Variants in ACSS1 observed in about 807,000 individuals in gnomAD.
ACSS1 encodes the protein acyl-CoA synthetase short chain family member 1, also known as acetyl-coenzyme A synthetase 2-like, mitochondrial.
ACSS1 carries 42 observed loss-of-function variants against 75.3 expected under a neutral mutation model. The ratio of observed to expected loss-of-function variants is 0.56; its 90% CI spans 0.44 to 0.72. ACSS1 has a LOEUF of 0.72. Ranked by LOEUF, ACSS1 falls within the 30% of genes least tolerant of loss-of-function variation. The pLI is 0.00. For missense variants in ACSS1, 782 were observed against 935.7 expected (o/e 0.84, Z 2.14); for synonymous variants, 380 against 376.8 (o/e 1.01, Z -0.10).
chr20:25,047,198 G>A (rs1363412092), intron 2 of ACSS1, among the ~76,000 whole-genome samples: 2 of 152,176 alleles, frequency 1.3e-5, no homozygotes, highest in East Asian at 1.9e-4. Flanking sequence ...GGCAGTGACC[G>A]CTGCTCTCAG....
chr20:25,054,359 A>G (rs2089214369), intron 1 of ACSS1, among the ~76,000 whole-genome samples: 1 of 152,268 alleles, frequency 6.6e-6, no homozygotes, highest in Non-Finnish European at 1.5e-5. Flanking sequence ...TGCTTCATTA[A>G]TAAATAACAA....
chr20:25,030,364 C>T (rs544785419), intron 3 of ACSS1, among the ~76,000 whole-genome samples: 3 of 152,338 alleles, frequency 2.0e-5, no homozygotes, highest in Non-Finnish European at 4.4e-5. Context: ...TGGTCCACAC[C>T]TTCACTCCTC....
chr20:25,008,958 T>C (rs1301941630), intron 13 of ACSS1, among the ~76,000 whole-genome samples: 4 of 152,140 alleles, frequency 2.6e-5, no homozygotes, highest in Non-Finnish European at 5.9e-5. Context: ...GAAACCTGCC[T>C]AGGTGGCCTC....
At chr20:25,009,588 C>T in intron 12 of ACSS1, 200 bp from the exon 13 acceptor site, 2 of 579,832 alleles carry the variant, frequency 3.4e-6, no homozygotes, top group Non-Finnish European at 6.2e-6. Context: ...ATTCTAACAG[C>T]TCCACAGATG....
intron 2 of ACSS1, among the ~76,000 whole-genome samples, chr20:25,037,495 G>C (rs773019977): frequency 2.0e-5 from 3 of 152,198 alleles, no homozygotes; most frequent in Non-Finnish European, 4.4e-5. Flanking sequence ...TAATTGTCTT[G>C]ATATGTGAAG....
chr20:25,046,413 C>T (rs2089090456), intron 2 of ACSS1: 3 of 217,482 alleles, frequency 1.4e-5, no homozygotes, highest in East Asian at 1.2e-4. Flanking sequence ...CAGACCGAAC[C>T]GCTACTTAGC....
At chr20:25,045,575 C>T (rs2089075625) in intron 2 of ACSS1, among the ~76,000 whole-genome samples, 1 of 152,246 alleles carries the variant, frequency 6.6e-6, no homozygotes, top group African/African-American at 2.4e-5. Flanking sequence ...AGGGCCCAGG[C>T]TGCTAGTCTG....
In ACSS1 at chr20:25,007,870, A is replaced by T; in HGVS notation, c.1962T>A (p.Ser654Arg). The change falls in exon 14 of 14, where the codon AGT (serine) becomes AGA (arginine). Residue 654 changes from serine (S) to arginine (R), a missense_variant. Coordinates refer to ENST00000323482, the MANE Select transcript of ACSS1 (RefSeq NM_032501.4). ...TAGTGTCTCCCAGCTCCTGGGCCTC[A>T]CTAGTGATGATCTTCCTCAGGAGCC... is the stretch of plus-strand genomic sequence containing the variant. ...MRRLLRKIIT[S>R]EAQELGDTTT... 1 of 1,614,150 alleles carries T rather than the reference A, an allele frequency of 6.2e-7. No individual in the cohort carries two copies. Among genetic ancestry groups the T allele is most frequent in the Non-Finnish European group, 8.5e-7 (1 of 1,180,028 alleles).
At chr20:25,052,376 A>G (rs1027780016) in intron 1 of ACSS1, among the ~76,000 whole-genome samples, 7 of 152,202 alleles carry the variant, frequency 4.6e-5, no homozygotes, top group African/African-American at 1.7e-4. Context: ...GCCTTTCCCA[A>G]GTTTCCCAGC....
chr20:25,014,301 T>C (rs952173571), intron 8 of ACSS1, among the ~76,000 whole-genome samples: 3 of 152,132 alleles, frequency 2.0e-5, no homozygotes, highest in Non-Finnish European at 2.9e-5. Flanking sequence ...CACAGCCAGG[T>C]GCAGGCCCCC....
In ACSS1 at chr20:25,016,659, C is replaced by G. The variant is rs116513695; in HGVS notation, c.1247-1429G>C. Among the ~76,000 whole-genome samples the G allele has an allele frequency of 2.0e-3, 306 of 152,350 alleles. 2 individuals carry two copies. The highest frequency in any genetic ancestry group is 6.8e-3 in the African/African-American group (281 of 41,574). On this transcript the variant is annotated intron_variant, in intron 7 of 13. Coordinates refer to ENST00000323482, the MANE Select transcript of ACSS1 (RefSeq NM_032501.4). The stretch of plus-strand genomic sequence containing the variant: ...GTGTCTTGTGTGTCACACCTGCACT[C>G]AGAACATCCACAAGGGGCAGGGAGA...
chr20:25,050,400 G>A (rs1443933420), intron 1 of ACSS1, among the ~76,000 whole-genome samples: 1 of 151,938 alleles, frequency 6.6e-6, no homozygotes, highest in African/African-American at 2.4e-5. Context: ...TCCCCCCCGG[G>A]AGCTGGTCAC....
chr20:25,031,174 C>T (rs1252280730), intron 2 of ACSS1: 1 of 660,090 alleles, frequency 1.5e-6, no homozygotes, highest in Non-Finnish European at 2.7e-6. Context: ...TTCACTGCCA[C>T]ATTGCTAGGG....
chr20:25,031,837 G>A (rs897148009), intron 2 of ACSS1, among the ~76,000 whole-genome samples: 1 of 152,152 alleles, frequency 6.6e-6, no homozygotes, highest in African/African-American at 2.4e-5. Context: ...CCAAAAGAAA[G>A]ACTGATCTCA....
intron 3 of ACSS1, among the ~76,000 whole-genome samples, chr20:25,026,367 T>G (rs2088717781): frequency 6.6e-6 from 1 of 152,228 alleles, no homozygotes; most frequent in South Asian, 2.1e-4. Flanking sequence ...ATGCCAGGCC[T>G]GTGCCAGCCT....
rs953890673 is a variant in ACSS1, at chr20:25,057,926, G to C, written c.177C>G (p.Pro59=). 14 of 1,610,002 alleles carry C rather than the reference G, an allele frequency of 8.7e-6. No individual in the cohort carries two copies. The highest frequency in any genetic ancestry group is 5.3e-5 in the African/African-American group (4 of 74,834). ...CCCGGGCTGCCTGTGCACTCAGCGC[G>C]GGATACGAGCCTGGCTGTGCTGCTG... is the stretch of plus-strand genomic sequence containing the variant. The part of the protein sequence containing the change: ...AAAAAQPGSY[P]ALSAQAAREP... Residue 59 remains proline (P), a synonymous_variant, in exon 1 of 14, where the codon CCC becomes CCG. Transcript: ENST00000323482.
At chr20:25,032,098 G>A (rs1377908244) in intron 2 of ACSS1, among the ~76,000 whole-genome samples, 1 of 152,174 alleles carries the variant, frequency 6.6e-6, no homozygotes, top group Non-Finnish European at 1.5e-5. Context: ...TGGACAAGGG[G>A]AAGGGAAAGC....
intron 7 of ACSS1, among the ~76,000 whole-genome samples, chr20:25,016,726 C>A (rs1198086785): frequency 6.6e-6 from 1 of 152,276 alleles, no homozygotes; most frequent in Non-Finnish European, 1.5e-5. Flanking sequence ...ACTGCGACAG[C>A]CTGCACCCAG....
At chr20:25,019,945 G>A (rs533772443) in intron 7 of ACSS1, 65 bp downstream of exon 7, 1 of 1,602,874 alleles carries the variant, frequency 6.2e-7, no homozygotes, top group Non-Finnish European at 8.5e-7. Context: ...TCCTGCTGAA[G>A]CCCGTATTGG....
Sources: allele counts gnomAD v4.1 joint callset (sites outside exome capture counted in the v4.1 genomes callset), GRCh38; gene constraint gnomAD v4.1.1; transcripts MANE v1.5; gene names NCBI Gene and HGNC (gene_info 2026-07-23, HGNC 2026-07-21).